SPIDR: variants seen among roughly 807,000 people sequenced by gnomAD.
SPIDR encodes the protein scaffold protein involved in DNA repair.
SPIDR carries 93 observed loss-of-function variants against 104.6 expected under a neutral mutation model. That is an observed-to-expected ratio of 0.89 (90% confidence interval 0.75 to 1.06). The LOEUF is 1.06. SPIDR is among the 50% of genes least tolerant of loss of function. The pLI is 0.00. For synonymous variants in SPIDR, 431 were observed against 416.9 expected (o/e 1.03, Z -0.41); for missense variants, 1,154 against 1,111.2 (o/e 1.04, Z -0.55).
intron 8 of SPIDR, among the ~76,000 whole-genome samples, chr8:47,469,778 A>G (rs933433695): frequency 6.6e-6 from 1 of 152,200 alleles, no homozygotes; most frequent in Non-Finnish European, 1.5e-5. Context: ...ACTAGGCTTA[A>G]TACCTGGGTG....
intron 5 of SPIDR, among the ~76,000 whole-genome samples, chr8:47,334,202 T>A (rs551384005): frequency 2.8e-4 from 42 of 152,346 alleles, no homozygotes; most frequent in African/African-American, 9.4e-4. Flanking sequence ...TGTTATCTGT[T>A]TTGATGAATG....
rs986385860 is a variant in SPIDR at position 47,290,040 on chromosome 8, T to C, written c.257-993T>C. ...ATAGTGATTTTATTTATATAACCTT[T>C]TTGTGTGTGTGTGTGTGAGATGGAG... On this transcript the variant is annotated intron_variant, in intron 3 of 19. Transcript: ENST00000297423. 1.1e-4 allele frequency among the ~76,000 whole-genome samples: 17 copies of C among 152,162 alleles called. No homozygotes were observed. The South Asian group carries it at 3.3e-3, about 30-fold the overall frequency.
intron 6 of SPIDR, among the ~76,000 whole-genome samples, chr8:47,401,093 CG>C (rs1554662357): frequency 6.6e-6 from 1 of 152,030 alleles, no homozygotes; most frequent in Non-Finnish European, 1.5e-5. Context: ...AGAGAAAGGT[CG>C]GGTTACTCAC....
At chr8:47,534,292 G>A (rs997390210) in intron 8 of SPIDR, among the ~76,000 whole-genome samples, 4 of 152,130 alleles carry the variant, frequency 2.6e-5, no homozygotes, top group African/African-American at 4.8e-5. Flanking sequence ...TATATGCCTA[G>A]AGGAATATAA....
At position 47,735,740 on chromosome 8, in the gene SPIDR, T is replaced by C; in HGVS notation, c.*290T>C. 1.5e-6 allele frequency: 1 copy of C among 649,744 alleles called. No individual in the cohort carries two copies. Among genetic ancestry groups the C allele is most frequent in the East Asian group, 3.0e-5 (1 of 33,018 alleles). 40.2% of individuals were successfully genotyped at this position (649,744 alleles called of 1,614,324 possible). A position where few individuals can be genotyped will look rare whatever the true frequency, so the allele number is the denominator to read the frequency against. The stretch of plus-strand genomic sequence containing the variant: ...CTTCATTTGGTATTTAGGCAATATA[T>C]GAGAAAAAAATTTTTTTTGTTCATT... On this transcript the variant is annotated 3_prime_UTR_variant, in exon 20 of 20. Coordinates refer to ENST00000297423, the MANE Select transcript of SPIDR (RefSeq NM_001080394.4).
chr8:47,532,801 A>G (rs889100854), intron 8 of SPIDR, among the ~76,000 whole-genome samples: 4 of 152,246 alleles, frequency 2.6e-5, no homozygotes, highest in Non-Finnish European at 5.9e-5. Flanking sequence ...CATTTATAGA[A>G]TACTTCATTC....
At chr8:47,306,205 G>A (rs961080422) in intron 5 of SPIDR, among the ~76,000 whole-genome samples, 2 of 152,000 alleles carry the variant, frequency 1.3e-5, no homozygotes, top group African/African-American at 2.4e-5. Flanking sequence ...GCAGTGGTGC[G>A]ATCTTGACTC....
At chr8:47,420,060 G>A (rs2065135973) in intron 7 of SPIDR, among the ~76,000 whole-genome samples, 1 of 152,180 alleles carries the variant, frequency 6.6e-6, no homozygotes, top group Admixed American at 6.5e-5. Flanking sequence ...TGGAATAGGT[G>A]TGGTGTGGTG....
At chr8:47,646,058 A>G (rs1405798189) in intron 10 of SPIDR, among the ~76,000 whole-genome samples, 3 of 152,226 alleles carry the variant, frequency 2.0e-5, no homozygotes, top group Admixed American at 6.5e-5. Context: ...TTGTATTACA[A>G]AGAGCCACTC....
intron 5 of SPIDR, among the ~76,000 whole-genome samples, chr8:47,367,623 A>G (rs2057391339): frequency 6.6e-6 from 1 of 152,224 alleles, no homozygotes; most frequent in African/African-American, 2.4e-5. Context: ...TGGGACTAGA[A>G]AGAAGTTAAA....
intron 10 of SPIDR, among the ~76,000 whole-genome samples, chr8:47,661,951 G>A (rs902026400): frequency 2.6e-5 from 4 of 152,072 alleles, no homozygotes; most frequent in African/African-American, 7.2e-5. Context: ...AGTCAGCCCC[G>A]TTCTCACTTG....
intron 10 of SPIDR, chr8:47,659,670 C>T (rs1588928812): frequency 2.1e-6 from 2 of 974,100 alleles, no homozygotes; most frequent in Non-Finnish European, 2.4e-6. Context: ...CGCCTTTTCT[C>T]AGCGGCTCCC....
intron 10 of SPIDR, among the ~76,000 whole-genome samples, chr8:47,666,673 C>T (rs771661261): frequency 9.2e-5 from 14 of 152,142 alleles, no homozygotes; most frequent in Non-Finnish European, 2.1e-4. Context: ...CTGGCACTAA[C>T]TGACTGCTGT....
At chr8:47,673,668 C>G (rs2076070355) in intron 10 of SPIDR, 133 bp from the exon 11 acceptor site, 76 of 1,197,600 alleles carry the variant, frequency 6.3e-5, no homozygotes, top group Non-Finnish European at 3.9e-5. Context: ...CTTGGTTTTT[C>G]TTTACTTTCT....
intron 1 of SPIDR, among the ~76,000 whole-genome samples, chr8:47,266,342 G>GATGGTCTCGATCTC (rs2034033455): frequency 6.6e-6 from 1 of 152,010 alleles, no homozygotes; most frequent in African/African-American, 2.4e-5. Context: ...TGTTGCCCAG[G>GATGGTCTCGATCTC]CTGGTCTTGA....
chr8:47,342,649 T>C (rs2051012018), intron 5 of SPIDR, among the ~76,000 whole-genome samples: 1 of 152,180 alleles, frequency 6.6e-6, no homozygotes, highest in South Asian at 2.1e-4. Flanking sequence ...AAATGTCTTA[T>C]TTTTTATATT....
At chr8:47,688,253 G>A (rs1050304878) in intron 11 of SPIDR, among the ~76,000 whole-genome samples, 6 of 152,192 alleles carry the variant, frequency 3.9e-5, no homozygotes, top group Non-Finnish European at 5.9e-5. Context: ...CTCCCTAGTA[G>A]CTGGGACTAC....
In SPIDR at chr8:47,547,138, G is replaced by A. The variant is rs1326869077; in HGVS notation, c.1098-48673G>A. On this transcript the variant is annotated intron_variant, in intron 8 of 19. Transcript: ENST00000297423. ...ATGGGATCATTCACCTTGATGGAGG[G>A]GATCAGGGTAGCAGATGATGCGAGC... is the stretch of plus-strand genomic sequence containing the variant. 2.0e-5 allele frequency: 12 copies of A among 591,230 alleles called. No individual in the cohort carries two copies. The East Asian group carries it at 4.3e-4, about 21-fold the overall frequency. 36.6% of individuals were successfully genotyped at this position (591,230 alleles called of 1,614,324 possible).
intron 8 of SPIDR, among the ~76,000 whole-genome samples, chr8:47,522,471 G>A (rs552584485): frequency 1.3e-5 from 2 of 152,108 alleles, no homozygotes; most frequent in African/African-American, 2.4e-5. Flanking sequence ...TGAAGGATCC[G>A]AGCCAGTGTG....
Sources: gnomAD v4.1 joint callset for allele counts (sites outside exome capture counted in the v4.1 genomes callset) on GRCh38, gnomAD v4.1.1 for gene constraint, MANE v1.5 for transcripts, NCBI Gene and HGNC (gene_info 2026-07-23, HGNC 2026-07-21) for gene names.